The following PIBF1 variants were observed in gnomAD, a reference collection of about 807,000 sequenced individuals.
PIBF1 encodes progesterone immunomodulatory binding factor 1.
In PIBF1, 90 loss-of-function variants were observed where a neutral mutation model predicts 112.5. That is an observed-to-expected ratio of 0.80 (90% confidence interval 0.67 to 0.95). The LOEUF (loss-of-function observed/expected upper bound fraction) is 0.95. Among genes scored for constraint, PIBF1 ranks in the 40% least tolerant of loss-of-function variants. The pLI is 0.00. For synonymous variants in PIBF1, 301 were observed against 288.6 expected, an observed-to-expected ratio of 1.04 and a Z score of -0.44; for missense variants, 915 against 852.3, an observed-to-expected ratio of 1.07 and a Z score of -0.92.
At chr13:72,917,778 T>C (rs2041153162) in intron 13 of PIBF1, among the ~76,000 whole-genome samples, 1 of 152,250 alleles carries the variant, frequency 6.6e-6, no homozygotes, top group African/African-American at 2.4e-5. Flanking sequence ...GCCGACTTTT[T>C]TTCTTGTCAT....
At chr13:72,968,369 C>T (rs1454518553) in intron 15 of PIBF1, among the ~76,000 whole-genome samples, 2 of 151,326 alleles carry the variant, frequency 1.3e-5, no homozygotes, top group Admixed American at 6.6e-5. Flanking sequence ...GGCGCGATCT[C>T]GGCTCACTGC....
At chr13:72,814,435 C>CAA (rs547722918) in intron 5 of PIBF1, among the ~76,000 whole-genome samples, 994 of 73,088 alleles carry the variant, frequency 0.014, 14 homozygotes, top group Non-Finnish European at 0.02. Context: ...GACTTCGTCT[C>CAA]AAAAAAAAAA....
rs2039370325 is a variant in PIBF1, at chr13:72,875,760, G to A, written c.1323-18024G>A. 2.0e-5 allele frequency among the ~76,000 whole-genome samples: 3 copies of A among 152,132 alleles called. No individual in the cohort carries two copies. In the South Asian group the frequency reaches 6.2e-4, roughly 32 times the overall value. ...CTTCTTTGGTGATGTGGCTATTAAGGTCTTTAGCCCATTTTTTAATAGGGT... is the reference window on the plus strand; with the variant it reads ...CTTCTTTGGTGATGTGGCTATTAAGATCTTTAGCCCATTTTTTAATAGGGT... On this transcript the variant is annotated intron_variant, in intron 10 of 17. Coordinates refer to ENST00000326291, the MANE Select transcript of PIBF1 (RefSeq NM_006346.4).
intron 13 of PIBF1, among the ~76,000 whole-genome samples, chr13:72,930,509 G>A (rs2041664649): frequency 6.6e-6 from 1 of 152,038 alleles, no homozygotes; most frequent in Non-Finnish European, 1.5e-5. Flanking sequence ...TCTTAAAATT[G>A]TTTCTTAAAA....
intron 10 of PIBF1, among the ~76,000 whole-genome samples, chr13:72,872,313 T>C (rs1406357334): frequency 2.0e-5 from 3 of 152,206 alleles, no homozygotes; most frequent in African/African-American, 7.2e-5. Flanking sequence ...GAGATGATAG[T>C]GATTTCATTA....
At chr13:72,875,299 A>G (rs1413466767) in intron 10 of PIBF1, among the ~76,000 whole-genome samples, 1 of 152,156 alleles carries the variant, frequency 6.6e-6, no homozygotes, top group East Asian at 1.9e-4. Context: ...TCATCTGTTC[A>G]CCTACTGAAG....
chr13:73,013,613 C>T (rs1324708583), intron 17 of PIBF1, among the ~76,000 whole-genome samples: 1 of 150,876 alleles, frequency 6.6e-6, no homozygotes, highest in African/African-American at 2.4e-5. Flanking sequence ...GGCATGCACC[C>T]ATATTCCCAG....
intron 10 of PIBF1, among the ~76,000 whole-genome samples, chr13:72,888,450 G>A (rs1419379120): frequency 6.6e-6 from 1 of 152,038 alleles, no homozygotes; most frequent in Admixed American, 6.6e-5. Flanking sequence ...AGGAAAAATG[G>A]CAGTATCAAA....
intron 17 of PIBF1, among the ~76,000 whole-genome samples, chr13:73,007,859 A>C (rs1053545741): frequency 2.0e-5 from 3 of 152,104 alleles, no homozygotes; most frequent in African/African-American, 7.2e-5. Context: ...CACCCCATAC[A>C]AGAACAGACC....
At chr13:72,876,375 T>TA (rs2039404033) in intron 10 of PIBF1, among the ~76,000 whole-genome samples, 1 of 152,066 alleles carries the variant, frequency 6.6e-6, no homozygotes, top group Non-Finnish European at 1.5e-5. Context: ...GTCAGTCTGC[T>TA]AGTTTTATTC....
At position 72,800,562 on chromosome 13, in the gene PIBF1, C is replaced by G. The variant is rs763751579; in HGVS notation, c.672+2536C>G. Among the ~76,000 whole-genome samples the G allele has an allele frequency of 3.1e-4, 47 of 152,088 alleles. 1 individual carries two copies. Among genetic ancestry groups the G allele is most frequent in the Middle Eastern group, 3.2e-3 (1 of 316 alleles). On this transcript the variant is annotated intron_variant, in intron 5 of 17. Transcript: ENST00000326291. ...AGCTTCTCCGTCCGTAAAATAGGGA[C>G]GATAACATGTAACACCTACCACACG...
chr13:73,007,238 G>A (rs151303789), intron 17 of PIBF1, among the ~76,000 whole-genome samples: 16 of 151,122 alleles, frequency 1.1e-4, no homozygotes, highest in African/African-American at 3.9e-4. Context: ...AAGAAACACT[G>A]CTGATCAAAG....
intron 16 of PIBF1, among the ~76,000 whole-genome samples, chr13:72,987,858 A>ATTTTTTTTTTTTTTTTTTTTTTTTTT (rs55999445): frequency 1.7e-5 from 1 of 58,134 alleles, no homozygotes; most frequent in African/African-American, 9.3e-5. Flanking sequence ...TTATTTATTT[A>ATTTTTTTTTTTTTTTTTTTTTTTTTT]TTTTTTTTTT....
At chr13:72,970,143 A>G (rs2042851314) in intron 15 of PIBF1, among the ~76,000 whole-genome samples, 1 of 152,218 alleles carries the variant, frequency 6.6e-6, no homozygotes, top group Admixed American at 6.5e-5. Flanking sequence ...TTGAAAATCA[A>G]CTATTTATAC....
intron 14 of PIBF1, among the ~76,000 whole-genome samples, chr13:72,937,909 C>G (rs1490457624): frequency 6.6e-6 from 1 of 152,090 alleles, no homozygotes; most frequent in Non-Finnish European, 1.5e-5. Context: ...AGTTACCATA[C>G]CTTGTGCTCT....
At chr13:72,922,629 A>C (rs889921411) in intron 13 of PIBF1, among the ~76,000 whole-genome samples, 1 of 152,200 alleles carries the variant, frequency 6.6e-6, no homozygotes, top group African/African-American at 2.4e-5. Flanking sequence ...TTTTATAAAA[A>C]GCTTTAAGTT....
At chr13:72,992,580 A>G (rs1486807405) in intron 16 of PIBF1, among the ~76,000 whole-genome samples, 7 of 152,056 alleles carry the variant, frequency 4.6e-5, no homozygotes, top group Admixed American at 3.9e-4. Flanking sequence ...GATCACTTGA[A>G]CTCACAAGTT....
In PIBF1 at chr13:72,829,632, GTC is replaced by G. The variant is rs1326699101; in HGVS notation, c.1097+1720_1097+1721del. On this transcript the variant is annotated intron_variant, in intron 8 of 17. Transcript: ENST00000326291. ...CTGAGGCCTCTGTTCTGTTCCATTG[GTC>G]TATGTATCTGTTTTGGTACCAGTAC... is the stretch of plus-strand genomic sequence containing the variant. 4.6e-5 allele frequency among the ~76,000 whole-genome samples: 7 copies of G among 152,240 alleles called. No homozygotes were observed. The East Asian group carries it at 1.4e-3, about 29-fold the overall frequency.
intron 15 of PIBF1, among the ~76,000 whole-genome samples, chr13:72,970,360 A>G (rs1428370088): frequency 6.6e-6 from 1 of 152,196 alleles, no homozygotes; most frequent in Non-Finnish European, 1.5e-5. Flanking sequence ...TTTGATCTCT[A>G]CTTCAGAAAG....
Sources: gnomAD v4.1 joint callset for allele counts (sites outside exome capture counted in the v4.1 genomes callset) on GRCh38, gnomAD v4.1.1 for gene constraint, MANE v1.5 for transcripts, NCBI Gene and HGNC (gene_info 2026-07-23, HGNC 2026-07-21) for gene names.